Variants in PAPOLA observed in about 807,000 individuals in gnomAD.
The protein encoded by PAPOLA is polynucleotide adenylyltransferase alpha.
In PAPOLA, 15 loss-of-function variants were observed where a neutral mutation model predicts 100.6. The observed-to-expected ratio is 0.15, with a 90% CI of 0.10 to 0.23. The LOEUF is 0.23. PAPOLA is among the 10% of genes least tolerant of loss of function. The pLI, the probability that PAPOLA is intolerant of heterozygous loss-of-function variation, is 1.00. For synonymous variants in PAPOLA, 293 were observed against 300.0 expected, an observed-to-expected ratio of 0.98 and a Z score of 0.24; for missense variants, 533 against 884.2, an observed-to-expected ratio of 0.60 and a Z score of 5.04.
intron 1 of PAPOLA, among the ~76,000 whole-genome samples, chr14:96,511,793 G>T (rs760751831): frequency 6.6e-6 from 1 of 152,208 alleles, no homozygotes; most frequent in Non-Finnish European, 1.5e-5. Context: ...AGAAAAAAGT[G>T]CTTTTAGGAA....
chr14:96,518,189 A>T (rs939171747), intron 1 of PAPOLA, among the ~76,000 whole-genome samples: 3 of 152,224 alleles, frequency 2.0e-5, no homozygotes, highest in African/African-American at 7.2e-5. Context: ...ACAGTATGTA[A>T]CTAGACCAGG....
chr14:96,520,457 C>T (rs572732372), intron 2 of PAPOLA, among the ~76,000 whole-genome samples: 1 of 152,232 alleles, frequency 6.6e-6, no homozygotes, highest in Non-Finnish European at 1.5e-5. Context: ...CTCACCACAG[C>T]CTCCGCCTCC....
At chr14:96,542,026 T>C (rs963069544) in intron 12 of PAPOLA, 1 of 345,820 alleles carries the variant, frequency 2.9e-6, no homozygotes. Context: ...TTGGTAATTA[T>C]TCATAAAGTC....
intron 1 of PAPOLA, among the ~76,000 whole-genome samples, chr14:96,505,386 G>T (rs1335755279): frequency 1.3e-5 from 2 of 152,168 alleles, no homozygotes; most frequent in Non-Finnish European, 1.5e-5. Context: ...ATGGAAACTA[G>T]ATGTATTTCT....
intron 14 of PAPOLA, 144 bp from the exon 15 acceptor site, chr14:96,544,005 C>T (rs1900193176): frequency 9.9e-6 from 6 of 606,484 alleles, no homozygotes; most frequent in South Asian, 6.1e-5. Context: ...GAGGACTTTG[C>T]GTTTTCATGG....
Position 96,547,965 on chromosome 14 carries a change from A to G in PAPOLA, c.1521+47A>G. ...AAAAGCATTACTAACATAATGTTTTATGCATCTGGACTATCATTATTTCAG... is the reference window on the plus strand; with the variant it reads ...AAAAGCATTACTAACATAATGTTTTGTGCATCTGGACTATCATTATTTCAG... On this transcript the variant is annotated intron_variant, in intron 16 of 21. Coordinates refer to ENST00000216277, the MANE Select transcript of PAPOLA (RefSeq NM_032632.5). 4.1e-6 allele frequency: 6 copies of G among 1,462,900 alleles called. No homozygotes were observed. The South Asian group carries it at 5.0e-5, about 12-fold the overall frequency. 90.6% of individuals were successfully genotyped at this position (1,462,900 alleles called of 1,614,324 possible). A position where few individuals can be genotyped will look rare whatever the true frequency, so the allele number is the denominator to read the frequency against.
At position 96,537,041 on chromosome 14, in the gene PAPOLA, A is replaced by T; in HGVS notation, c.1096A>T (p.Asn366Tyr). The T allele has an allele frequency of 6.2e-7, 1 of 1,601,492 alleles. No individual in the cohort carries two copies. The highest frequency in any genetic ancestry group is 8.6e-7 in the Non-Finnish European group (1 of 1,168,578). Residue 366 changes from asparagine (N) to tyrosine (Y), a missense_variant, in exon 12 of 22, where the codon AAC becomes TAC. This residue lies in a region of PAPOLA where 87 missense variants were observed against 173.3 expected (regional missense o/e 0.50). Coordinates refer to ENST00000216277, the MANE Select transcript of PAPOLA (RefSeq NM_032632.5). ...AEWSKLFEAP[N>Y]FFQKYKHYIV... ...GTGGTCCAAACTTTTTGAAGCTCCA[A>T]ACTTCTTTCAAAAGTACAAGTATGT... is the stretch of plus-strand genomic sequence containing the variant.
chr14:96,502,832 G>A (rs910104256), intron 1 of PAPOLA: 5 of 435,824 alleles, frequency 1.1e-5, no homozygotes, highest in African/African-American at 2.0e-5. Flanking sequence ...AGCTGCCGTC[G>A]GGCCGGGGGC....
intron 20 of PAPOLA, 64 bp from the exon 21 acceptor site, chr14:96,562,754 CA>C: frequency 1.0e-6 from 1 of 962,040 alleles, no homozygotes; most frequent in South Asian, 1.4e-5. Flanking sequence ...CCACCAAACC[CA>C]GTTATGTTCT....
At chr14:96,503,607 C>G (rs367631695) in intron 1 of PAPOLA, among the ~76,000 whole-genome samples, 23 of 152,024 alleles carry the variant, frequency 1.5e-4, no homozygotes, top group African/African-American at 4.8e-4. Context: ...GTAAGAGTGC[C>G]TCTTTGAGAC....
chr14:96,549,552 AT>A (rs1228025877), intron 16 of PAPOLA, among the ~76,000 whole-genome samples: 5 of 151,992 alleles, frequency 3.3e-5, no homozygotes, highest in Non-Finnish European at 7.4e-5. Flanking sequence ...CTGGCCAAAA[AT>A]TTTCTTCTTA....
chr14:96,502,504 C>T lies in PAPOLA; in HGVS notation c.-89C>T, dbSNP rs748441210. 9 of 1,062,610 alleles carry T rather than the reference C, an allele frequency of 8.5e-6. No homozygotes were observed. In the South Asian group the frequency reaches 1.0e-4, roughly 12 times the overall value. 65.8% of individuals were successfully genotyped at this position (1,062,610 alleles called of 1,614,324 possible). ...ACCCAGGGCTGAGGCAGGCCCCCCC[C>T]TCCCTCCCGCCTCAGTGGATCATGC... On this transcript the variant is annotated 5_prime_UTR_variant, in exon 1 of 22. Coordinates refer to ENST00000216277, the MANE Select transcript of PAPOLA (RefSeq NM_032632.5).
chr14:96,515,306 GTT>G (rs943861032), intron 1 of PAPOLA, among the ~76,000 whole-genome samples: 42 of 152,184 alleles, frequency 2.8e-4, no homozygotes, highest in African/African-American at 9.9e-4. Context: ...GAAAAGGTGT[GTT>G]TGTAGGGGAG....
Position 96,562,848 on chromosome 14 carries a change from T to C in PAPOLA, c.2097T>C (p.Thr699=), listed in dbSNP as rs901825063. 5.6e-6 allele frequency: 9 copies of C among 1,612,392 alleles called. No homozygotes were observed. Among genetic ancestry groups the C allele is most frequent in the Non-Finnish European group, 7.6e-6 (9 of 1,178,740 alleles). ...AACTTGATACAGAGACAAGTACAAC[T>C]CAATCAGAAACTATTCAGACAGCGG... The part of the protein sequence containing the change: ...KEQLDTETST[T]QSETIQTAAS... The change falls in exon 21 of 22, where the codon ACT becomes ACC. Residue 699 remains threonine (T), a synonymous_variant. Coordinates refer to ENST00000216277, the MANE Select transcript of PAPOLA (RefSeq NM_032632.5).
intron 20 of PAPOLA, among the ~76,000 whole-genome samples, chr14:96,561,727 A>C (rs1901855154): frequency 6.6e-6 from 1 of 152,164 alleles, no homozygotes; most frequent in African/African-American, 2.4e-5. Flanking sequence ...AAAGTTTGGT[A>C]TACATCACCA....
At chr14:96,507,434 C>T (rs1354365440) in intron 1 of PAPOLA, among the ~76,000 whole-genome samples, 2 of 151,322 alleles carry the variant, frequency 1.3e-5, no homozygotes, top group East Asian at 1.9e-4. Context: ...ACTACAGGCG[C>T]CCGCCACTGC....
At chr14:96,525,794 A>G (rs1898413936) in intron 4 of PAPOLA, among the ~76,000 whole-genome samples, 1 of 152,206 alleles carries the variant, frequency 6.6e-6, no homozygotes, top group Admixed American at 6.5e-5. Flanking sequence ...GAGTTTCAGT[A>G]GAGGTAGCCA....
At chr14:96,558,644 TTC>T (rs1194130542) in intron 19 of PAPOLA, among the ~76,000 whole-genome samples, 1 of 152,138 alleles carries the variant, frequency 6.6e-6, no homozygotes, top group Non-Finnish European at 1.5e-5. Flanking sequence ...ATCACACAGC[TTC>T]TGTTATAATT....
At chr14:96,540,098 A>G in intron 12 of PAPOLA, among the ~76,000 whole-genome samples, 1 of 152,204 alleles carries the variant, frequency 6.6e-6, no homozygotes, top group East Asian at 1.9e-4. Flanking sequence ...GTAAGAAGTT[A>G]TGTTGAACTC....
Sources: gnomAD v4.1 joint callset for allele counts (sites outside exome capture counted in the v4.1 genomes callset) on GRCh38, gnomAD v4.1.1 for gene constraint, gnomAD v4.1.1 regional missense constraint, MANE v1.5 for transcripts, NCBI Gene and HGNC (gene_info 2026-07-23, HGNC 2026-07-21) for gene names.